Variants in C11orf65 observed in about 807,000 individuals in gnomAD.
The protein encoded by C11orf65 is protein MFI.
Under a neutral mutation model 35.3 loss-of-function variants are expected in C11orf65, and 38 were observed. That is an observed-to-expected ratio of 1.08 (90% CI 0.83 to 1.41). C11orf65 has a LOEUF of 1.41. C11orf65 is among the 40% of genes most tolerant of loss of function. The pLI is 0.00. For missense variants in C11orf65, 370 were observed against 367.1 expected (o/e 1.01, Z -0.06); for synonymous variants, 105 against 114.4 (o/e 0.92, Z 0.53).
intron 6 of C11orf65, among the ~76,000 whole-genome samples, chr11:108,319,022 C>A (rs1449693136): frequency 1.3e-5 from 2 of 151,726 alleles, no homozygotes; most frequent in Admixed American, 6.6e-5. Flanking sequence ...CAAAAAAATA[C>A]AAAAGTTAGC....
At chr11:108,411,483 G>A (rs775893238) in intron 3 of C11orf65, among the ~76,000 whole-genome samples, 5 of 152,224 alleles carry the variant, frequency 3.3e-5, no homozygotes, top group African/African-American at 7.2e-5. Flanking sequence ...TAGTGACAGC[G>A]TTCTCTCTAT....
At chr11:108,397,723 T>C (rs1187314007) in intron 6 of C11orf65, among the ~76,000 whole-genome samples, 1 of 152,184 alleles carries the variant, frequency 6.6e-6, no homozygotes, top group Non-Finnish European at 1.5e-5. Flanking sequence ...AAATTTCTCA[T>C]TCACCCCCTG....
intron 2 of C11orf65, among the ~76,000 whole-genome samples, chr11:108,457,565 C>T (rs1196968805): frequency 6.6e-6 from 1 of 152,006 alleles, no homozygotes; most frequent in Admixed American, 6.6e-5. Context: ...ACTGATTGAA[C>T]CTGGGAGGCG....
intron 7 of C11orf65, among the ~76,000 whole-genome samples, chr11:108,390,517 G>A (rs1364480219): frequency 2.0e-5 from 3 of 151,964 alleles, no homozygotes; most frequent in South Asian, 2.1e-4. Flanking sequence ...CTTGTTTGCC[G>A]GCCCTTAGCT....
chr11:108,434,866 C>A (rs1025770928), intron 2 of C11orf65, among the ~76,000 whole-genome samples: 3 of 152,164 alleles, frequency 2.0e-5, no homozygotes, highest in Non-Finnish European at 4.4e-5. Context: ...TGGTTCACAA[C>A]AAGTGTAGCA....
At chr11:108,442,652 G>T (rs546769199) in intron 2 of C11orf65, among the ~76,000 whole-genome samples, 10 of 152,170 alleles carry the variant, frequency 6.6e-5, no homozygotes, top group Non-Finnish European at 1.2e-4. Flanking sequence ...CAAGCCAGAA[G>T]ACAGTGGGGG....
chr11:108,310,047 A>C, intron 6 of C11orf65: 1 of 1,148,016 alleles, frequency 8.7e-7, no homozygotes, highest in South Asian at 1.4e-5. Flanking sequence ...GGTTTTTGGG[A>C]ATTTGTAATT....
Position 108,335,535 on chromosome 11 carries a change from T to G in C11orf65, c.227-243A>C, listed in dbSNP as rs539224653. Among the ~76,000 whole-genome samples, 3 of 152,294 alleles carry G rather than the reference T, an allele frequency of 2.0e-5. No homozygotes were observed. The East Asian group carries it at 5.8e-4, about 29-fold the overall frequency. On this transcript the variant is annotated intron_variant, in intron 2 of 3. Coordinates refer to the C11orf65 transcript ENST00000524755. The stretch of plus-strand genomic sequence containing the variant: ...CCTTACCATTTGCTGACGAGCTCTT[T>G]GGGTCCTACTGGGGAGTGGTGGAAA...
intron 2 of C11orf65, among the ~76,000 whole-genome samples, chr11:108,335,552 T>A (rs1185621874): frequency 6.6e-6 from 1 of 151,916 alleles, no homozygotes; most frequent in East Asian, 1.9e-4. Context: ...TACTGGGGAG[T>A]GGTGGAAAGA....
downstream of C11orf65, among the ~76,000 whole-genome samples, chr11:108,381,864 T>C (rs1449052941): frequency 6.6e-6 from 1 of 152,150 alleles, no homozygotes; most frequent in African/African-American, 2.4e-5. Flanking sequence ...TTCTAATTAA[T>C]AGAATAGGGC....
downstream of C11orf65, chr11:108,330,132 T>G: frequency 6.8e-7 from 1 of 1,466,870 alleles, no homozygotes; most frequent in Non-Finnish European, 9.4e-7. Context: ...CTTTTTTCAT[T>G]AAATGTTGTA....
At chr11:108,456,616 T>C (rs970079172) in intron 2 of C11orf65, among the ~76,000 whole-genome samples, 1 of 151,680 alleles carries the variant, frequency 6.6e-6, no homozygotes, top group African/African-American at 2.4e-5. Flanking sequence ...ACCCTGTCTC[T>C]ACAAAAAATT....
At chr11:108,335,438 T>C (rs1158961156) in intron 2 of C11orf65, 2 of 547,120 alleles carry the variant, frequency 3.7e-6, no homozygotes, top group East Asian at 9.0e-5. Context: ...GTTGACGTCC[T>C]TTGCATCAGT....
intron 2 of C11orf65, among the ~76,000 whole-genome samples, chr11:108,459,358 C>T (rs2093444231): frequency 6.6e-6 from 1 of 152,082 alleles, no homozygotes; most frequent in African/African-American, 2.4e-5. Context: ...ATCCACCTAC[C>T]TGCAGCTCTT....
At chr11:108,316,787 G>T (rs2084696081) in intron 6 of C11orf65, among the ~76,000 whole-genome samples, 4 of 148,884 alleles carry the variant, frequency 2.7e-5, no homozygotes, top group African/African-American at 9.9e-5. Context: ...TTAGCCGGGT[G>T]TGGTGGCGGG....
intron 2 of C11orf65, chr11:108,366,692 C>CAT (rs1310836143): frequency 4.3e-6 from 1 of 231,138 alleles, no homozygotes; most frequent in Admixed American, 5.6e-5. Context: ...AGCATAAATA[C>CAT]TGATAGGAGA....
chr11:108,350,719 CAA>C (rs2089085188), intron 2 of C11orf65, among the ~76,000 whole-genome samples: 1 of 152,090 alleles, frequency 6.6e-6, no homozygotes, highest in African/African-American at 2.4e-5. Flanking sequence ...GTGGGGATCT[CAA>C]CAGAGGAGCC....
chr11:108,358,463 T>A (rs1468618169), intron 2 of C11orf65, among the ~76,000 whole-genome samples: 1 of 151,024 alleles, frequency 6.6e-6, no homozygotes, highest in South Asian at 2.1e-4. Context: ...AGATACTCTT[T>A]GAGAAGAGCA....
rs1555138027 is a variant in C11orf65, at chr11:108,345,762, T to C, written c.227-10470A>G. 1.9e-6 allele frequency: 3 copies of C among 1,612,070 alleles called. No homozygotes were observed. Among genetic ancestry groups the C allele is most frequent in the Admixed American group, 3.3e-5 (2 of 59,898 alleles). ...TTAAAGGAGGTGCAAAAAAAGTCTT[T>C]TGAAGAGAAATATGAAGTCTTCATG... is the stretch of plus-strand genomic sequence containing the variant. On this transcript the variant is annotated intron_variant, in intron 2 of 3. Coordinates refer to the C11orf65 transcript ENST00000524755.
Sources: allele counts gnomAD v4.1 joint callset (sites outside exome capture counted in the v4.1 genomes callset), GRCh38; gene constraint gnomAD v4.1.1; transcripts MANE v1.5; gene names NCBI Gene and HGNC (gene_info 2026-07-23, HGNC 2026-07-21).